Variants in TSC22D1 observed in about 807,000 individuals in gnomAD.
TSC22D1 encodes TSC22 domain family protein 1.
TSC22D1 carries 9 observed loss-of-function variants against 74.2 expected under a neutral mutation model. The observed-to-expected ratio is 0.12, with a 90% CI of 0.07 to 0.21. TSC22D1 has a LOEUF of 0.21. Among genes scored for constraint, TSC22D1 ranks in the 10% least tolerant of loss-of-function variants. The probability of loss-of-function intolerance (pLI) is 1.00; values close to 1 mark genes in which losing one functional copy is unlikely to be tolerated. For missense variants in TSC22D1, 1,427 were observed against 1,304.7 expected, an observed-to-expected ratio of 1.09 and a Z score of -1.44; for synonymous variants, 586 against 492.5, an observed-to-expected ratio of 1.19 and a Z score of -2.51.
chr13:44,463,928 C>T (rs1877129727), intron 1 of TSC22D1, among the ~76,000 whole-genome samples: 2 of 152,164 alleles, frequency 1.3e-5, no homozygotes, highest in Non-Finnish European at 1.5e-5. Context: ...GTGCTAAGAA[C>T]TGAGGTGCTT....
chr13:44,554,270 T>G (rs749247823), intron 1 of TSC22D1, among the ~76,000 whole-genome samples: 17 of 152,154 alleles, frequency 1.1e-4, no homozygotes, highest in Admixed American at 9.2e-4. Flanking sequence ...AATGAAGAGG[T>G]AGCAGAAATA....
chr13:44,447,804 T>C (rs1875802193), intron 1 of TSC22D1, among the ~76,000 whole-genome samples: 1 of 150,718 alleles, frequency 6.6e-6, no homozygotes, highest in Admixed American at 6.6e-5. Flanking sequence ...AAAGAATATC[T>C]ATAATGCTAA....
intron 1 of TSC22D1, among the ~76,000 whole-genome samples, chr13:44,455,082 A>G (rs1040519762): frequency 6.6e-6 from 1 of 152,226 alleles, no homozygotes; most frequent in Non-Finnish European, 1.5e-5. Context: ...AACAAGACAA[A>G]TAAGTACATA....
chr13:44,510,108 G>A (rs1223671005), intron 1 of TSC22D1, among the ~76,000 whole-genome samples: 1 of 151,834 alleles, frequency 6.6e-6, no homozygotes, highest in Non-Finnish European at 1.5e-5. Context: ...ACTCCGCTAG[G>A]CACGGTGGCT....
intron 1 of TSC22D1, among the ~76,000 whole-genome samples, chr13:44,473,074 C>A (rs747636654): frequency 6.6e-6 from 1 of 152,150 alleles, no homozygotes; most frequent in Non-Finnish European, 1.5e-5. Context: ...CTTTTTAAAA[C>A]GGAATTGCAG....
intron 1 of TSC22D1, among the ~76,000 whole-genome samples, chr13:44,533,141 C>CG (rs1880947611): frequency 6.6e-6 from 1 of 151,986 alleles, no homozygotes; most frequent in African/African-American, 2.4e-5. Context: ...GGCATGGGAG[C>CG]GGGGGCCAGG....
chr13:44,504,737 G>A lies in TSC22D1; in HGVS notation c.2912+68426C>T, dbSNP rs551312930. Among the ~76,000 whole-genome samples the A allele has an allele frequency of 9.2e-5, 14 of 151,998 alleles. No homozygotes were observed. The South Asian group carries it at 2.9e-3, about 32-fold the overall frequency. ...CCCCAAATGATGTCAAATACTTAAA[G>A]TTGAAACATCGGATTACCACAATCT... On this transcript the variant is annotated intron_variant, in intron 1 of 2. Transcript: ENST00000458659.
At chr13:44,528,152 G>A (rs1880641851) in intron 1 of TSC22D1, among the ~76,000 whole-genome samples, 2 of 151,942 alleles carry the variant, frequency 1.3e-5, no homozygotes, top group Admixed American at 6.6e-5. Context: ...GCAGAAAATC[G>A]GTAAGGACAT....
chr13:44,547,584 T>C (rs531960171), intron 1 of TSC22D1, among the ~76,000 whole-genome samples: 1 of 152,320 alleles, frequency 6.6e-6, no homozygotes, highest in East Asian at 1.9e-4. Flanking sequence ...TCCTCATTTG[T>C]TTCTTCAAAA....
At chr13:44,529,929 G>GA (rs1880740664) in intron 1 of TSC22D1, among the ~76,000 whole-genome samples, 1 of 151,914 alleles carries the variant, frequency 6.6e-6, no homozygotes, top group South Asian at 2.1e-4. Flanking sequence ...TCAAAGATCT[G>GA]AAAAAATGGA....
chr13:44,564,474 G>A (rs118186009), intron 1 of TSC22D1, among the ~76,000 whole-genome samples: 2,889 of 152,246 alleles, frequency 0.019, 44 homozygotes, highest in South Asian at 0.043. Flanking sequence ...GCTTTAAAGT[G>A]GAATGAAAGT....
At chr13:44,468,855 A>C (rs951320591) in intron 1 of TSC22D1, among the ~76,000 whole-genome samples, 2 of 150,038 alleles carry the variant, frequency 1.3e-5, no homozygotes, top group African/African-American at 2.4e-5. Flanking sequence ...GTTTCTAACA[A>C]AAATAGAAAT....
Position 44,573,550 on chromosome 13 carries a change from G to C in TSC22D1, c.2525C>G (p.Ser842Cys). 6.2e-7 allele frequency: 1 copy of C among 1,614,230 alleles called. No homozygotes were observed. Among genetic ancestry groups the C allele is most frequent in the Non-Finnish European group, 8.5e-7 (1 of 1,180,044 alleles). The change falls in exon 1 of 3, where the codon TCT becomes TGT. Residue 842 changes from serine to cysteine, a missense_variant. Transcript: ENST00000458659. ...GTTTGTTGGGGCAGAAGGCATTCCA[G>C]AAGGACCAGTTGAACTAACCTGACT... ...VTSQVSSTGPSGMPSAPTNLV... is the reference protein window; with the variant it reads ...VTSQVSSTGPCGMPSAPTNLV...
chr13:44,540,269 T>C (rs1416784699), intron 1 of TSC22D1, among the ~76,000 whole-genome samples: 1 of 152,080 alleles, frequency 6.6e-6, no homozygotes, highest in Non-Finnish European at 1.5e-5. Context: ...CAACCTCAGA[T>C]ATATCAAAGG....
chr13:44,458,307 T>C (rs570108037), intron 1 of TSC22D1, among the ~76,000 whole-genome samples: 2 of 152,364 alleles, frequency 1.3e-5, no homozygotes, highest in South Asian at 4.1e-4. Flanking sequence ...AGTACTGACT[T>C]TAGTGCAGCT....
rs1015005855 is a variant in TSC22D1 at position 44,433,190 on chromosome 13, T to G, written c.*1436A>C. On this transcript the variant is annotated 3_prime_UTR_variant, in exon 3 of 3. Transcript: ENST00000458659. ...TCTTCCTCTCAGTTCAGTAAAAAAT[T>G]AAGATTTTCAAGGACTCCTAGAATT... 4 of 152,118 alleles carry G rather than the reference T, an allele frequency of 2.6e-5. No individual in the cohort carries two copies. Among genetic ancestry groups the G allele is most frequent in the Non-Finnish European group, 5.9e-5 (4 of 68,030 alleles). 9.4% of individuals were successfully genotyped at this position (152,118 alleles called of 1,614,324 possible).
intron 1 of TSC22D1, among the ~76,000 whole-genome samples, chr13:44,465,012 C>G (rs921993064): frequency 6.6e-6 from 1 of 152,188 alleles, no homozygotes; most frequent in Non-Finnish European, 1.5e-5. Context: ...TCTCACTGCT[C>G]TGGTTACAAT....
intron 1 of TSC22D1, among the ~76,000 whole-genome samples, chr13:44,494,557 CA>C (rs1315245922): frequency 3.3e-5 from 5 of 150,492 alleles, no homozygotes; most frequent in Non-Finnish European, 7.4e-5. Context: ...GACCCCATCT[CA>C]AAAAAAATAA....
Position 44,575,158 on chromosome 13 carries a change from GAATT to G in TSC22D1, c.913_916del (p.Asn305LeufsTer8). 6.2e-7 allele frequency: 1 copy of G among 1,614,130 alleles called. No homozygotes were observed. The highest frequency in any genetic ancestry group is 8.5e-7 in the Non-Finnish European group (1 of 1,180,040). ...ATTTACTGTACTAGTGCCAGTAACA[GAATT>G]TATACCTATTCCACCTGTAGTACTT... On this transcript the variant is annotated frameshift_variant, in exon 1 of 3. Transcript: ENST00000458659. LOFTEE classifies it high-confidence loss of function.
Sources: gnomAD v4.1 joint callset for allele counts (sites outside exome capture counted in the v4.1 genomes callset) on GRCh38, gnomAD v4.1.1 for gene constraint, MANE v1.5 for transcripts, NCBI Gene and HGNC (gene_info 2026-07-23, HGNC 2026-07-21) for gene names.